The following IL31RA variants were observed in gnomAD, a reference collection of about 807,000 sequenced individuals.
The protein encoded by IL31RA is interleukin 31 receptor A.
Under a neutral mutation model 83.7 loss-of-function variants are expected in IL31RA, and 66 were observed. That is an observed-to-expected ratio of 0.79 (90% CI 0.65 to 0.97). The LOEUF is 0.97. Ranked by LOEUF, IL31RA falls within the 50% of genes least tolerant of loss-of-function variation. IL31RA has a pLI of 0.00. For missense variants in IL31RA, 798 were observed against 919.4 expected (o/e 0.87, Z 1.71); for synonymous variants, 325 against 329.0 (o/e 0.99, Z 0.13).
At chr5:55,894,883 AT>A (rs2112493804) in intron 6 of IL31RA, among the ~76,000 whole-genome samples, 1 of 152,072 alleles carries the variant, frequency 6.6e-6, no homozygotes, top group African/African-American at 2.4e-5. Flanking sequence ...CACCCAGCTA[AT>A]TTTTTATATG....
chr5:55,840,733 T>C, the IL31RA span, among the ~76,000 whole-genome samples: 1 of 152,236 alleles, frequency 6.6e-6, no homozygotes, highest in Non-Finnish European at 1.5e-5. Context: ...TTCATTTCTT[T>C]AGGATTCAGC....
rs1439829861 is a variant in IL31RA, at chr5:55,920,615, T to C, written c.*3495T>C. 6.6e-6 allele frequency among the ~76,000 whole-genome samples: 1 copy of C among 152,216 alleles called. No homozygotes were observed. The highest frequency in any genetic ancestry group is 2.4e-5 in the African/African-American group (1 of 41,458). ...AGAAAACGTTTACTCTCTGACCCTT[T>C]GCAGAAAAAATTTGTGGACGCCTAC... On this transcript the variant is annotated 3_prime_UTR_variant, in exon 15 of 15. Transcript: ENST00000652347.
intron 2 of IL31RA, among the ~76,000 whole-genome samples, chr5:55,862,755 G>A (rs561961161): frequency 7.2e-5 from 11 of 152,224 alleles, no homozygotes; most frequent in South Asian, 2.1e-4. Flanking sequence ...ACCACATTGC[G>A]TTGAATTGTC....
intron 3 of IL31RA, among the ~76,000 whole-genome samples, chr5:55,871,597 A>G (rs1416929205): frequency 6.6e-6 from 1 of 152,190 alleles, no homozygotes; most frequent in East Asian, 1.9e-4. Context: ...CAATGTTCAA[A>G]AATTCAACCT....
intron 12 of IL31RA, among the ~76,000 whole-genome samples, chr5:55,912,381 C>T (rs1397368736): frequency 6.6e-6 from 1 of 152,206 alleles, no homozygotes; most frequent in Non-Finnish European, 1.5e-5. Context: ...CTTGTTGCTG[C>T]TTCAAAGCTT....
intron 1 of IL31RA, among the ~76,000 whole-genome samples, chr5:55,856,481 T>C (rs1186851992): frequency 6.6e-6 from 1 of 152,184 alleles, no homozygotes; most frequent in Non-Finnish European, 1.5e-5. Context: ...AGCAGAATCT[T>C]TGGGAATTTC....
chr5:55,879,728 T>A (rs1811309), intron 4 of IL31RA, among the ~76,000 whole-genome samples: 2 of 148,980 alleles, frequency 1.3e-5, no homozygotes, highest in East Asian at 3.9e-4. Context: ...CCAAGCCCAG[T>A]CCAGTCTTTT....
At chr5:55,901,547 A>G (rs1252655610) in intron 8 of IL31RA, among the ~76,000 whole-genome samples, 1 of 151,758 alleles carries the variant, frequency 6.6e-6, no homozygotes, top group Non-Finnish European at 1.5e-5. Flanking sequence ...GAGATCATGT[A>G]TGTAAAATGC....
At chr5:55,905,976 G>C (rs536872451) in intron 8 of IL31RA, 130 bp from the exon 9 acceptor site, 20 of 878,376 alleles carry the variant, frequency 2.3e-5, no homozygotes, top group Non-Finnish European at 3.7e-5. Context: ...AGCCCCATCC[G>C]GGGAGGCTGC....
intron 2 of IL31RA, among the ~76,000 whole-genome samples, chr5:55,867,318 C>CGT (rs1243377169): frequency 9.6e-3 from 391 of 40,852 alleles, no homozygotes; most frequent in Non-Finnish European, 0.013. Context: ...TGTGTGTGTG[C>CGT]GTGTGTGTGT....
At chr5:55,847,230 AAAAAAAAAAAAT>A (rs1186331864), upstream of IL31RA, among the ~76,000 whole-genome samples, 9 of 39,758 alleles carry the variant, frequency 2.3e-4, no homozygotes, top group African/African-American at 1.3e-3. Context: ...GCAACAGAAA[AAAAAAAAAAAAT>A]AAAAATAAAT....
chr5:55,872,012 T>C (rs1282011446), intron 3 of IL31RA, among the ~76,000 whole-genome samples: 4 of 152,134 alleles, frequency 2.6e-5, no homozygotes, highest in Non-Finnish European at 5.9e-5. Flanking sequence ...ATTGCAACTA[T>C]AGCTTTTCAT....
At chr5:55,850,864 G>A (rs1170000426), upstream of IL31RA, among the ~76,000 whole-genome samples, 2 of 152,334 alleles carry the variant, frequency 1.3e-5, no homozygotes, top group Admixed American at 6.5e-5. Flanking sequence ...GCCGAGGCAG[G>A]TGGATCACCT....
chr5:55,851,339 A>G (rs1055071067), upstream of IL31RA: 17 of 630,578 alleles, frequency 2.7e-5, no homozygotes, highest in Middle Eastern at 4.3e-4. Context: ...TTTAACACAC[A>G]TATTTTCTCC....
At chr5:55,869,549 C>A (rs1370521242) in intron 3 of IL31RA, among the ~76,000 whole-genome samples, 1 of 152,164 alleles carries the variant, frequency 6.6e-6, no homozygotes, top group Admixed American at 6.5e-5. Context: ...TCTCAGCTCA[C>A]TACAACCTCC....
intron 1 of IL31RA, chr5:55,853,701 T>G (rs1377854689): frequency 2.4e-6 from 2 of 821,848 alleles, no homozygotes; most frequent in Admixed American, 2.5e-5. Flanking sequence ...TGGTTGTTGA[T>G]AGTTAAGGGA....
At chr5:55,885,423 G>A (rs1260979797) in intron 5 of IL31RA, among the ~76,000 whole-genome samples, 1 of 152,144 alleles carries the variant, frequency 6.6e-6, no homozygotes, top group Non-Finnish European at 1.5e-5. Context: ...TCAGCAAAGC[G>A]AGATGGGCTC....
At chr5:55,886,786 G>T (rs1747644338) in intron 5 of IL31RA, among the ~76,000 whole-genome samples, 1 of 152,172 alleles carries the variant, frequency 6.6e-6, no homozygotes, top group East Asian at 1.9e-4. Flanking sequence ...CTTGCATCAT[G>T]TTCTCTCACT....
At position 55,907,417 on chromosome 5, in the gene IL31RA, A is replaced by C; in HGVS notation, c.1311A>C (p.Lys437Asn). The C allele has an allele frequency of 6.2e-7, 1 of 1,613,894 alleles. No individual in the cohort carries two copies. The highest frequency in any genetic ancestry group is 8.5e-7 in the Non-Finnish European group (1 of 1,179,750). Residue 437 changes from lysine to asparagine, a missense_variant, in exon 10 of 15, where the codon AAA becomes AAC. Coordinates refer to ENST00000652347, the MANE Select transcript of IL31RA (RefSeq NM_139017.7). The part of the protein sequence containing the change: ...NISVYPMLHD[K>N]VGEPYSIQAY... ...CTGTGTATCCAATGTTGCATGACAAAGTTGGCGAGCCATATTCCATCCAGG... is the reference window on the plus strand; with the variant it reads ...CTGTGTATCCAATGTTGCATGACAACGTTGGCGAGCCATATTCCATCCAGG...
Sources: gnomAD v4.1 joint callset for allele counts (sites outside exome capture counted in the v4.1 genomes callset) on GRCh38, gnomAD v4.1.1 for gene constraint, MANE v1.5 for transcripts, NCBI Gene and HGNC (gene_info 2026-07-23, HGNC 2026-07-21) for gene names.